Variants in TTC27 observed in about 807,000 individuals in gnomAD.
TTC27 encodes the protein tetratricopeptide repeat domain 27.
In TTC27, 79 loss-of-function variants were observed where a neutral mutation model predicts 115.9. That is an observed-to-expected ratio of 0.68 (90% CI 0.57 to 0.82). TTC27 has a LOEUF of 0.82. TTC27 is among the 40% of genes least tolerant of loss of function. The probability of loss-of-function intolerance (pLI) is 0.00; values close to 1 mark genes in which losing one functional copy is unlikely to be tolerated. For missense variants in TTC27, 1,054 were observed against 993.1 expected (o/e 1.06, Z -0.82); for synonymous variants, 401 against 356.0 (o/e 1.13, Z -1.42).
chr2:32,815,701 T>G (rs1671480386), intron 18 of TTC27, among the ~76,000 whole-genome samples: 1 of 152,030 alleles, frequency 6.6e-6, no homozygotes, highest in African/African-American at 2.4e-5. Flanking sequence ...GTTTCTGATC[T>G]AAACTGCTGG....
chr2:32,757,943 C>A (rs1203496581), intron 12 of TTC27, among the ~76,000 whole-genome samples: 1 of 152,220 alleles, frequency 6.6e-6, no homozygotes, highest in Non-Finnish European at 1.5e-5. Flanking sequence ...CTCAGGCAAT[C>A]CACCCACCTC....
intron 7 of TTC27, among the ~76,000 whole-genome samples, chr2:32,668,784 AT>A (rs1193664617): frequency 6.6e-6 from 1 of 151,922 alleles, no homozygotes; most frequent in Non-Finnish European, 1.5e-5. Context: ...GAATTATTTT[AT>A]TTTAAAAATT....
chr2:32,754,707 C>G (rs993145749), intron 12 of TTC27, among the ~76,000 whole-genome samples: 2 of 151,638 alleles, frequency 1.3e-5, no homozygotes, highest in African/African-American at 4.8e-5. Context: ...CTCCTCACTT[C>G]CCAGTAGGGG....
chr2:32,751,360 T>C (rs1669008153), intron 12 of TTC27, among the ~76,000 whole-genome samples: 1 of 151,998 alleles, frequency 6.6e-6, no homozygotes, highest in Admixed American at 6.5e-5. Flanking sequence ...TTACTAGATA[T>C]GCAGTGTTGC....
intron 16 of TTC27, among the ~76,000 whole-genome samples, chr2:32,793,831 T>A (rs537081321): frequency 6.6e-6 from 1 of 152,028 alleles, no homozygotes; most frequent in Non-Finnish European, 1.5e-5. Flanking sequence ...CCTGTTACAA[T>A]GTTTTTTTTA....
At chr2:32,749,815 A>G (rs1436795704) in intron 12 of TTC27, among the ~76,000 whole-genome samples, 1 of 152,228 alleles carries the variant, frequency 6.6e-6, no homozygotes, top group Non-Finnish European at 1.5e-5. Flanking sequence ...TGTAGGGATT[A>G]CATGAGATCA....
At chr2:32,725,668 G>A (rs372729667) in intron 10 of TTC27, among the ~76,000 whole-genome samples, 41 of 152,132 alleles carry the variant, frequency 2.7e-4, no homozygotes, top group South Asian at 8.3e-4. Flanking sequence ...AGATGTCAGC[G>A]GATTTACCAT....
At chr2:32,815,305 C>T (rs111711445) in intron 18 of TTC27, among the ~76,000 whole-genome samples, 6 of 129,834 alleles carry the variant, frequency 4.6e-5, no homozygotes, top group Non-Finnish European at 7.7e-5. Context: ...GGCGCGATCT[C>T]GGCTCACTGC....
At chr2:32,697,937 G>A (rs1667048682) in intron 9 of TTC27, among the ~76,000 whole-genome samples, 1 of 152,044 alleles carries the variant, frequency 6.6e-6, no homozygotes, top group Non-Finnish European at 1.5e-5. Flanking sequence ...ATTTTTAATA[G>A]AGATGGGGTT....
At chr2:32,665,403 T>C (rs1382191159) in intron 6 of TTC27, among the ~76,000 whole-genome samples, 1 of 152,188 alleles carries the variant, frequency 6.6e-6, no homozygotes, top group Non-Finnish European at 1.5e-5. Flanking sequence ...AGAAGTTATG[T>C]TTTTAAATAT....
Position 32,758,326 on chromosome 2 carries a change from A to G in TTC27, c.1487A>G (p.Lys496Arg). 6.2e-6 allele frequency: 10 copies of G among 1,614,162 alleles called. No individual in the cohort carries two copies. Among genetic ancestry groups the G allele is most frequent in the Non-Finnish European group, 8.5e-6 (10 of 1,180,034 alleles). Residue 496 changes from lysine to arginine, a missense_variant, in exon 13 of 20, where the codon AAA (lysine) becomes AGA (arginine). Lys to Arg is a conservative substitution (Grantham distance 26). Transcript: ENST00000317907. ...ATCCTTAGACAAGAGCTGGAGAAAAAAGAAACGCCTAGTTTATACTGCTTG... is the reference window on the plus strand; with the variant it reads ...ATCCTTAGACAAGAGCTGGAGAAAAGAGAAACGCCTAGTTTATACTGCTTG... ...EEILRQELEKKETPSLYCLLG... is the reference protein window; with the variant it reads ...EEILRQELEKRETPSLYCLLG...
chr2:32,679,886 A>G (rs34110784), intron 9 of TTC27, among the ~76,000 whole-genome samples: 127,985 of 152,052 alleles, frequency 0.84, 53,925 homozygotes, highest in Middle Eastern at 0.91. Flanking sequence ...CAGCTACTCT[A>G]GAAGCTGAGA....
chr2:32,687,173 A>G (rs944985764), intron 9 of TTC27, among the ~76,000 whole-genome samples: 4 of 152,232 alleles, frequency 2.6e-5, no homozygotes. Context: ...CATATTTAGA[A>G]GGCATTCAAG....
chr2:32,669,493 T>C (rs1431208236), intron 7 of TTC27, among the ~76,000 whole-genome samples: 1 of 152,174 alleles, frequency 6.6e-6, no homozygotes, highest in Non-Finnish European at 1.5e-5. Context: ...ATTATTAGAT[T>C]GTAATATACA....
At chr2:32,648,972 A>G (rs894855265) in intron 4 of TTC27, among the ~76,000 whole-genome samples, 3 of 152,148 alleles carry the variant, frequency 2.0e-5, no homozygotes, top group African/African-American at 4.8e-5. Flanking sequence ...TGATCATGCC[A>G]CTGCACTCCA....
At chr2:32,812,135 A>G (rs891945735) in intron 17 of TTC27, among the ~76,000 whole-genome samples, 2 of 152,222 alleles carry the variant, frequency 1.3e-5, no homozygotes, top group African/African-American at 4.8e-5. Flanking sequence ...GTGAGATTAC[A>G]TATATCTACC....
intron 16 of TTC27, among the ~76,000 whole-genome samples, chr2:32,801,317 T>G (rs1670926862): frequency 6.6e-6 from 1 of 152,212 alleles, no homozygotes; most frequent in Non-Finnish European, 1.5e-5. Context: ...AGGTGTTGAC[T>G]TGGCCATGTT....
At chr2:32,639,091 C>A (rs943125020) in intron 3 of TTC27, among the ~76,000 whole-genome samples, 6 of 152,106 alleles carry the variant, frequency 3.9e-5, no homozygotes, top group African/African-American at 1.4e-4. Context: ...CTTGGCCTCC[C>A]AAAGTGCTGG....
chr2:32,660,458 G>A (rs1665501541), intron 5 of TTC27, among the ~76,000 whole-genome samples: 1 of 152,110 alleles, frequency 6.6e-6, no homozygotes, highest in Non-Finnish European at 1.5e-5. Context: ...GGACATGGAT[G>A]AAGCTGGAAA....
Sources: gnomAD v4.1 joint callset for allele counts (sites outside exome capture counted in the v4.1 genomes callset) on GRCh38, gnomAD v4.1.1 for gene constraint, MANE v1.5 for transcripts, NCBI Gene and HGNC (gene_info 2026-07-23, HGNC 2026-07-21) for gene names.